STK10: variants seen among roughly 807,000 people sequenced by gnomAD.
STK10 encodes serine/threonine-protein kinase 10.
In STK10, 78 loss-of-function variants were observed where a neutral mutation model predicts 113.8. The observed-to-expected ratio is 0.69, with a 90% CI of 0.57 to 0.83. The LOEUF (loss-of-function observed/expected upper bound fraction) is 0.83. STK10 is among the 40% of genes least tolerant of loss of function. The probability of loss-of-function intolerance (pLI) is 0.00; values close to 1 mark genes in which losing one functional copy is unlikely to be tolerated. For synonymous variants in STK10, 465 were observed against 494.7 expected, an observed-to-expected ratio of 0.94 and a Z score of 0.80; for missense variants, 1,109 against 1,280.1, an observed-to-expected ratio of 0.87 and a Z score of 2.04.
At chr5:172,174,232 C>T (rs1165436485) in intron 1 of STK10, among the ~76,000 whole-genome samples, 4 of 152,032 alleles carry the variant, frequency 2.6e-5, no homozygotes, top group Non-Finnish European at 2.9e-5. Context: ...AGTGCAGTGG[C>T]GCAATCTCAG....
intron 1 of STK10, among the ~76,000 whole-genome samples, chr5:172,177,182 AAG>A (rs1157298829): frequency 1.1e-4 from 16 of 148,580 alleles, no homozygotes; most frequent in African/African-American, 3.9e-4. Context: ...TAAAAAAAAA[AAG>A]AAAAGACCCT....
intron 3 of STK10, among the ~76,000 whole-genome samples, chr5:172,122,844 C>T (rs555355375): frequency 8.5e-5 from 13 of 152,224 alleles, no homozygotes; most frequent in African/African-American, 2.6e-4. Context: ...AGGATGGTCT[C>T]GATCTCCTGA....
chr5:172,138,524 T>C (rs550008880), intron 2 of STK10, among the ~76,000 whole-genome samples: 2 of 115,698 alleles, frequency 1.7e-5, no homozygotes, highest in South Asian at 5.4e-4. Context: ...GTTGCAGGTA[T>C]AAGATAAGCA....
chr5:172,117,577 G>A lies in STK10; in HGVS notation c.424C>T (p.Leu142=), dbSNP rs1446307733. 1 of 1,614,066 alleles carries A rather than the reference G, an allele frequency of 6.2e-7. No individual in the cohort carries two copies. The highest frequency in any genetic ancestry group is 1.1e-5 in the South Asian group (1 of 91,068). The change falls in exon 4 of 19, where the codon CTA becomes TTA. Residue 142 remains leucine (L), a synonymous_variant. Transcript: ENST00000176763. ...PQIQVVCRQM[L]EALNFLHSKR... ...CTGTGCAGGAAGTTGAGGGCTTCTA[G>A]CATCTGGCGGCAAACCACCTGTATC...
rs1488964593 is a variant in STK10 at position 172,052,940 on chromosome 5, G to A, written c.2755C>T (p.Pro919Ser). The change falls in exon 18 of 19, where the codon CCG becomes TCG. Residue 919 changes from proline to serine, a missense_variant. This residue lies in a region of STK10 where 885 missense variants were observed against 991.1 expected (regional missense o/e 0.89). Coordinates refer to ENST00000176763, the MANE Select transcript of STK10 (RefSeq NM_005990.4). The stretch of plus-strand genomic sequence containing the variant: ...TCGGATAAAGTTACCTTCTTGCGCG[G>A]CCGAAGCTTGTCCCGCCATTCCTTC... The part of the protein sequence containing the change: ...NLKEWRDKLR[P>S]RKKALEEDLN... 3 of 1,613,988 alleles carry A rather than the reference G, an allele frequency of 1.9e-6. No individual in the cohort carries two copies. The Admixed American group carries it at 5.0e-5, about 27-fold the overall frequency.
At chr5:172,108,764 G>A (rs942787309) in intron 4 of STK10, among the ~76,000 whole-genome samples, 18 of 151,696 alleles carry the variant, frequency 1.2e-4, no homozygotes, top group African/African-American at 2.7e-4. Flanking sequence ...CAACCTGGGC[G>A]GTATTTATTA....
At chr5:172,113,139 G>C (rs1451813959) in intron 4 of STK10, among the ~76,000 whole-genome samples, 1 of 152,170 alleles carries the variant, frequency 6.6e-6, no homozygotes, top group East Asian at 1.9e-4. Flanking sequence ...TTTTGGTTTT[G>C]TGGGTTTTTT....
chr5:172,181,041 A>C (rs1471885760), intron 1 of STK10, among the ~76,000 whole-genome samples: 5 of 152,170 alleles, frequency 3.3e-5, no homozygotes, highest in Non-Finnish European at 4.4e-5. Context: ...GTGTTGAAGG[A>C]ATGCACAAAA....
chr5:172,084,421 A>AATC (rs142145257), intron 10 of STK10, among the ~76,000 whole-genome samples: 1 of 151,160 alleles, frequency 6.6e-6, no homozygotes, highest in South Asian at 2.1e-4. Context: ...TAATAATAAT[A>AATC]ATAATAATAT....
At chr5:172,099,216 C>G (rs9763978) in intron 7 of STK10, among the ~76,000 whole-genome samples, 4,340 of 152,144 alleles carry the variant, frequency 0.029, 220 homozygotes, top group African/African-American at 0.098. Flanking sequence ...CCATCACCCC[C>G]GTCAGCAGCA....
intron 7 of STK10, among the ~76,000 whole-genome samples, chr5:172,100,953 C>T (rs988885247): frequency 1.1e-4 from 16 of 152,012 alleles, no homozygotes; most frequent in South Asian, 2.1e-4. Context: ...CTCTTGAACC[C>T]GAGGACCAGG....
intron 12 of STK10, among the ~76,000 whole-genome samples, chr5:172,068,566 C>G (rs1437074229): frequency 6.6e-6 from 1 of 152,096 alleles, no homozygotes; most frequent in African/African-American, 2.4e-5. Context: ...TAAACATAAT[C>G]AACACTTTTT....
chr5:172,044,116 C>T lies in STK10; in HGVS notation c.*766G>A, dbSNP rs2113674314. Reference sequence around the variant, plus strand: ...CCTAACATGCTCAGTGGCACAGGCTCAGGCAGCAAACGTGTTCCAACCCAC... The same window carrying T: ...CCTAACATGCTCAGTGGCACAGGCTTAGGCAGCAAACGTGTTCCAACCCAC... On this transcript the variant is annotated 3_prime_UTR_variant, in exon 19 of 19. Coordinates refer to ENST00000176763, the MANE Select transcript of STK10 (RefSeq NM_005990.4). This position sits in a 1 kb window ranked among gnomAD's most constrained non-coding sequence, Gnocchi z 4.5. 6.5e-6 allele frequency: 1 copy of T among 152,878 alleles called. No individual in the cohort carries two copies. Among genetic ancestry groups the T allele is most frequent in the Admixed American group, 6.5e-5 (1 of 15,320 alleles). The allele number at this position is 152,878 out of a possible 1,614,324, so 9.5% of individuals were successfully genotyped here.
chr5:172,086,006 C>T (rs1001081714), intron 10 of STK10, among the ~76,000 whole-genome samples: 4 of 152,182 alleles, frequency 2.6e-5, no homozygotes, highest in East Asian at 1.9e-4. Flanking sequence ...TCTCTGGGGT[C>T]GCAGCGCCCC....
Position 172,187,846 on chromosome 5 carries a change from C to A in STK10, c.156+41G>T, listed in dbSNP as rs1303755039. ...GCTCAGGCATCCCTTCCTTCCGGAGCCCCTCGACGCGCGTCCGGCCACCCA... is the reference window on the plus strand; with the variant it reads ...GCTCAGGCATCCCTTCCTTCCGGAGACCCTCGACGCGCGTCCGGCCACCCA... On this transcript the variant is annotated intron_variant, in intron 1 of 18. Coordinates refer to ENST00000176763, the MANE Select transcript of STK10 (RefSeq NM_005990.4). This position sits in a 1 kb window ranked among gnomAD's most constrained non-coding sequence, Gnocchi z 4.6. The A allele has an allele frequency of 3.1e-6, 5 of 1,602,752 alleles. No individual in the cohort carries two copies. Among genetic ancestry groups the A allele is most frequent in the South Asian group, 1.1e-5 (1 of 89,412 alleles).
At chr5:172,073,293 C>T (rs1768236107) in intron 12 of STK10, among the ~76,000 whole-genome samples, 1 of 152,120 alleles carries the variant, frequency 6.6e-6, no homozygotes, top group Admixed American at 6.6e-5. Flanking sequence ...GCTGGGATTA[C>T]AGATGCACAC....
At chr5:172,134,234 A>C (rs1769809076) in intron 2 of STK10, among the ~76,000 whole-genome samples, 2 of 152,234 alleles carry the variant, frequency 1.3e-5, no homozygotes, top group South Asian at 4.1e-4. Context: ...TGTTATCCTA[A>C]ATTTCATCAC....
intron 1 of STK10, among the ~76,000 whole-genome samples, chr5:172,173,538 C>T: frequency 6.6e-6 from 1 of 152,224 alleles, no homozygotes; most frequent in Non-Finnish European, 1.5e-5. Flanking sequence ...ACAACTCACC[C>T]TGGGGCAGGC....
At chr5:172,181,614 G>C (rs894887111) in intron 1 of STK10, among the ~76,000 whole-genome samples, 2 of 150,982 alleles carry the variant, frequency 1.3e-5, no homozygotes, top group African/African-American at 4.9e-5. Flanking sequence ...TCCCTGAGTA[G>C]CTGGGATTAC....
Sources: gnomAD v4.1 joint callset for allele counts (sites outside exome capture counted in the v4.1 genomes callset) on GRCh38, gnomAD v4.1.1 for gene constraint, gnomAD v4.1.1 regional missense constraint, Gnocchi (gnomAD v3.1) non-coding constraint, MANE v1.5 for transcripts, NCBI Gene and HGNC (gene_info 2026-07-23, HGNC 2026-07-21) for gene names.